SAMD4A: variants seen among roughly 807,000 people sequenced by gnomAD.
SAMD4A encodes the protein protein Smaug homolog 1.
A neutral mutation model predicts 81.3 loss-of-function variants in SAMD4A; 33 were observed. That is an observed-to-expected ratio of 0.41 (90% confidence interval 0.31 to 0.54). SAMD4A has a LOEUF of 0.54. SAMD4A is among the 20% of genes least tolerant of loss of function. The pLI, the probability that SAMD4A is intolerant of heterozygous loss-of-function variation, is 0.37. For synonymous variants in SAMD4A, 389 were observed against 382.1 expected (o/e 1.02, Z -0.21); for missense variants, 854 against 951.1 (o/e 0.90, Z 1.34).
At position 54,760,309 on chromosome 14, in the gene SAMD4A, G is replaced by A; in HGVS notation, c.1325G>A (p.Gly442Asp). The A allele has an allele frequency of 6.2e-7, 1 of 1,608,500 alleles. No homozygotes were observed. Among genetic ancestry groups the A allele is most frequent in the Non-Finnish European group, 8.5e-7 (1 of 1,178,854 alleles). The change falls in exon 7 of 13, where the codon GGC becomes GAC. Residue 442 changes from glycine (G) to aspartate (D), a missense_variant. Physicochemically the swap from Gly to Asp is moderately conservative, Grantham distance 94. Around this residue, in one of 3 missense-constraint regions of SAMD4A, gnomAD observed 428 missense variants for 471.2 expected, o/e 0.91. Coordinates refer to ENST00000554335, the MANE Select transcript of SAMD4A (RefSeq NM_015589.6). ...GCCCCGCGTCAGCCCTCACTGATGG[G>A]CCCCGAGAGCCAGAGCCCCGACTGC... ...PQAPRQPSLMGPESQSPDCKD... is the reference protein window; with the variant it reads ...PQAPRQPSLMDPESQSPDCKD...
intron 6 of SAMD4A, among the ~76,000 whole-genome samples, chr14:54,756,272 A>G (rs2038236253): frequency 6.6e-6 from 1 of 152,124 alleles, no homozygotes; most frequent in Non-Finnish European, 1.5e-5. Flanking sequence ...AAGAAACTCG[A>G]GTGAGTCCAA....
At chr14:54,627,272 T>C in intron 2 of SAMD4A, among the ~76,000 whole-genome samples, 1 of 152,128 alleles carries the variant, frequency 6.6e-6, no homozygotes, top group East Asian at 1.9e-4. Context: ...TGACTTTTTT[T>C]TTAAAGAAAT....
At chr14:54,626,072 G>A (rs1303347724) in intron 2 of SAMD4A, among the ~76,000 whole-genome samples, 12 of 111,476 alleles carry the variant, frequency 1.1e-4, no homozygotes, top group Non-Finnish European at 2.2e-4. Flanking sequence ...GCGCGCGCGC[G>A]CGCGAGTGCG....
At chr14:54,783,170 AAAAAC>A (rs1283901164) in intron 11 of SAMD4A, among the ~76,000 whole-genome samples, 1 of 151,016 alleles carries the variant, frequency 6.6e-6, no homozygotes, top group Non-Finnish European at 1.5e-5. Context: ...AAAAAAAAAA[AAAAAC>A]AAAAAGGATT....
rs999922510 is a variant in SAMD4A, at chr14:54,611,591, T to G, written c.196+43479T>G. 1.2e-4 allele frequency among the ~76,000 whole-genome samples: 18 copies of G among 152,124 alleles called. 1 individual carries two copies. Among genetic ancestry groups the G allele is most frequent in the African/African-American group, 4.1e-4 (17 of 41,502 alleles). On this transcript the variant is annotated intron_variant, in intron 2 of 12. Coordinates refer to ENST00000554335, the MANE Select transcript of SAMD4A (RefSeq NM_015589.6). Reference sequence around the variant, plus strand: ...CTGAGTTTGACAGAAAATAAGCCAGTTGGGGCCAGGCGCAGTGGCTCATGC... The same window carrying G: ...CTGAGTTTGACAGAAAATAAGCCAGGTGGGGCCAGGCGCAGTGGCTCATGC...
At chr14:54,761,592 G>A (rs1466965030) in intron 7 of SAMD4A, among the ~76,000 whole-genome samples, 1 of 152,168 alleles carries the variant, frequency 6.6e-6, no homozygotes, top group Non-Finnish European at 1.5e-5. Flanking sequence ...TTTATACAAA[G>A]CCTTCATGTG....
intron 2 of SAMD4A, among the ~76,000 whole-genome samples, chr14:54,657,960 G>A (rs1018599641): frequency 1.3e-4 from 20 of 152,224 alleles, no homozygotes; most frequent in African/African-American, 4.3e-4. Flanking sequence ...CTAGGACCTT[G>A]TAGTCAAGAA....
chr14:54,766,235 C>G (rs369750981), intron 8 of SAMD4A, among the ~76,000 whole-genome samples: 3 of 152,118 alleles, frequency 2.0e-5, no homozygotes, highest in Non-Finnish European at 4.4e-5. Context: ...ACACTGGACT[C>G]GTTTTGGCCA....
rs1170592791 is a variant in SAMD4A, at chr14:54,702,073, CA to C, written c.210del (p.Gln70HisfsTer10). 1 of 1,613,822 alleles carries C rather than the reference CA, an allele frequency of 6.2e-7. No individual in the cohort carries two copies. The highest frequency in any genetic ancestry group is 1.1e-5 in the South Asian group (1 of 91,052). On this transcript the variant is annotated frameshift_variant, in exon 3 of 13. Coordinates refer to ENST00000554335, the MANE Select transcript of SAMD4A (RefSeq NM_015589.6). LOFTEE classifies it high-confidence loss of function. Reference protein sequence around the residue: ...REANSPGIINQWQQESKDKVI... With the variant: ...REANSPGIINXWQQESKDKVI... ...ATTTCCCTTTTCAGGAATCATTAACCAATGGCAACAGGAATCCAAGGATAAA... is the reference window on the plus strand; with the variant it reads ...ATTTCCCTTTTCAGGAATCATTAACCATGGCAACAGGAATCCAAGGATAAA...
At chr14:54,584,429 C>T (rs2033560389) in intron 2 of SAMD4A, among the ~76,000 whole-genome samples, 1 of 152,130 alleles carries the variant, frequency 6.6e-6, no homozygotes, top group African/African-American at 2.4e-5. Flanking sequence ...TTCTACTAGG[C>T]TTTAGATTTA....
chr14:54,608,446 G>C (rs539602750), intron 2 of SAMD4A, among the ~76,000 whole-genome samples: 1 of 152,082 alleles, frequency 6.6e-6, no homozygotes, highest in African/African-American at 2.4e-5. Flanking sequence ...GTTCTTAATC[G>C]TATGCTCTCA....
At chr14:54,695,953 GAAAAAA>G (rs35817270) in intron 2 of SAMD4A, among the ~76,000 whole-genome samples, 3 of 78,294 alleles carry the variant, frequency 3.8e-5, no homozygotes, top group East Asian at 4.1e-4. Flanking sequence ...CTCCATCTCA[GAAAAAA>G]AAAAAAAAAA....
At chr14:54,784,798 G>A (rs139719921) in intron 12 of SAMD4A, among the ~76,000 whole-genome samples, 178 bp downstream of exon 12, 130 of 152,254 alleles carry the variant, frequency 8.5e-4, no homozygotes, top group African/African-American at 2.6e-3. Flanking sequence ...TTTTCCAGCG[G>A]CACCATGCCA....
intron 2 of SAMD4A, among the ~76,000 whole-genome samples, chr14:54,607,519 G>A (rs908834898): frequency 2.0e-5 from 3 of 150,128 alleles, no homozygotes; most frequent in Admixed American, 6.6e-5. Flanking sequence ...GCAGTGGCAC[G>A]ATCTCTGCTC....
At chr14:54,704,539 C>T (rs1270237421) in intron 3 of SAMD4A, among the ~76,000 whole-genome samples, 1 of 152,174 alleles carries the variant, frequency 6.6e-6, no homozygotes, top group Non-Finnish European at 1.5e-5. Context: ...CTATTTCTGG[C>T]TGTGGCCACC....
chr14:54,632,590 C>G (rs989743993), intron 2 of SAMD4A, among the ~76,000 whole-genome samples: 1 of 151,944 alleles, frequency 6.6e-6, no homozygotes. Flanking sequence ...TTTTTTTTCA[C>G]TTAACAGCAT....
chr14:54,614,766 C>T lies in SAMD4A; in HGVS notation c.196+46654C>T, dbSNP rs2034450644. Among the ~76,000 whole-genome samples, 8 of 152,184 alleles carry T rather than the reference C, an allele frequency of 5.3e-5. No individual in the cohort carries two copies. In the South Asian group the frequency reaches 1.7e-3, roughly 32 times the overall value. Reference sequence around the variant, plus strand: ...TCTCAGTTATTTATAAAATAAAGGCCAAAGTACCCACTTCCTGAGAGGAAG... The same window carrying T: ...TCTCAGTTATTTATAAAATAAAGGCTAAAGTACCCACTTCCTGAGAGGAAG... On this transcript the variant is annotated intron_variant, in intron 2 of 12. Coordinates refer to ENST00000554335, the MANE Select transcript of SAMD4A (RefSeq NM_015589.6).
intron 10 of SAMD4A, among the ~76,000 whole-genome samples, chr14:54,775,798 A>G (rs1161267793): frequency 6.6e-6 from 1 of 152,102 alleles, no homozygotes; most frequent in Non-Finnish European, 1.5e-5. Context: ...AAGGGATGAC[A>G]GATCAGCTTA....
chr14:54,634,158 T>G (rs575620078), intron 2 of SAMD4A, among the ~76,000 whole-genome samples: 1 of 151,740 alleles, frequency 6.6e-6, no homozygotes, highest in African/African-American at 2.4e-5. Flanking sequence ...TGGTGGTGTA[T>G]GCCTGTAATC....
Sources: gnomAD v4.1 joint callset for allele counts (sites outside exome capture counted in the v4.1 genomes callset) on GRCh38, gnomAD v4.1.1 for gene constraint, gnomAD v4.1.1 regional missense constraint, MANE v1.5 for transcripts, NCBI Gene and HGNC (gene_info 2026-07-23, HGNC 2026-07-21) for gene names.